Variants in FRMPD2 observed in about 807,000 individuals in gnomAD.
FRMPD2 encodes the protein FERM and PDZ domain-containing protein 2.
FRMPD2 carries 96 observed loss-of-function variants against 140.1 expected under a neutral mutation model. The ratio of observed to expected loss-of-function variants is 0.69; its 90% CI spans 0.58 to 0.81. The LOEUF is 0.81. Ranked by LOEUF, FRMPD2 falls within the 40% of genes least tolerant of loss-of-function variation. The pLI is 0.00. For synonymous variants in FRMPD2, 449 were observed against 547.6 expected (o/e 0.82, Z 2.52); for missense variants, 1,240 against 1,447.4 (o/e 0.86, Z 2.32).
At chr10:48,236,976 A>C (rs12241104) in intron 8 of FRMPD2, among the ~76,000 whole-genome samples, 7,680 of 152,252 alleles carry the variant, frequency 0.05, 654 homozygotes, top group African/African-American at 0.18. Context: ...TCAATAGCTT[A>C]GTGGGCACCT....
Position 48,236,068 on chromosome 10 carries a change from GTTT to G in FRMPD2, c.993+411_993+413del, listed in dbSNP as rs112112427. 5.7e-5 allele frequency among the ~76,000 whole-genome samples: 8 copies of G among 140,318 alleles called. No individual in the cohort carries two copies. The East Asian group carries it at 1.7e-3, about 29-fold the overall frequency. The allele number at this position is 140,318 out of a possible 152,430, so 92.1% of individuals were successfully genotyped here. A position where few individuals can be genotyped will look rare whatever the true frequency, so the allele number is the denominator to read the frequency against. On this transcript the variant is annotated intron_variant, in intron 9 of 28. Transcript: ENST00000374201. ...CGTTGTTTTTTTGTTTTTGTTTTTT[GTTT>G]TTTTTTTTTGCACAAATCACTACCT...
intron 20 of FRMPD2, among the ~76,000 whole-genome samples, chr10:48,184,066 C>T (rs576920487): frequency 2.0e-5 from 3 of 151,978 alleles, no homozygotes; most frequent in Admixed American, 6.6e-5. Context: ...CCCTGTGACA[C>T]GAGTTTGCCT....
At chr10:48,206,645 G>T in intron 14 of FRMPD2, 103 bp downstream of exon 14, 1 of 839,612 alleles carries the variant, frequency 1.2e-6, no homozygotes, top group Non-Finnish European at 1.9e-6. Flanking sequence ...AGAATGTTTG[G>T]TCAGGAGAAA....
chr10:48,223,471 AG>A (rs1460037097), intron 10 of FRMPD2, among the ~76,000 whole-genome samples: 1 of 152,176 alleles, frequency 6.6e-6, no homozygotes. Context: ...CAAAGAGGAG[AG>A]GGTCAAATAA....
intron 1 of FRMPD2, among the ~76,000 whole-genome samples, chr10:48,267,275 T>A (rs1020918345): frequency 7.2e-5 from 11 of 152,036 alleles, no homozygotes; most frequent in African/African-American, 2.4e-4. Flanking sequence ...TCGTGAGCAA[T>A]GACAAGCACA....
intron 4 of FRMPD2, among the ~76,000 whole-genome samples, chr10:48,243,840 G>A (rs1365205208): frequency 6.6e-6 from 1 of 152,186 alleles, no homozygotes; most frequent in Non-Finnish European, 1.5e-5. Context: ...ATCCAGTCTA[G>A]CCAGGTCAGC....
At chr10:48,190,784 A>G (rs897619036) in intron 16 of FRMPD2, among the ~76,000 whole-genome samples, 4 of 152,214 alleles carry the variant, frequency 2.6e-5, no homozygotes, top group African/African-American at 9.7e-5. Context: ...CTTTGTATCA[A>G]GAAGGCCAGC....
chr10:48,202,996 C>T (rs941543031), intron 14 of FRMPD2, among the ~76,000 whole-genome samples: 5 of 152,182 alleles, frequency 3.3e-5, no homozygotes, highest in Non-Finnish European at 4.4e-5. Flanking sequence ...ACAGGGGTAT[C>T]GCTCTGTTGC....
At chr10:48,262,413 A>G (rs1036148123) in intron 1 of FRMPD2, among the ~76,000 whole-genome samples, 1 of 152,234 alleles carries the variant, frequency 6.6e-6, no homozygotes, top group Admixed American at 6.5e-5. Context: ...GTATTACATA[A>G]TGATAGAGGT....
intron 12 of FRMPD2, 26 bp from the exon 13 acceptor site, chr10:48,212,135 G>A: frequency 6.2e-7 from 1 of 1,611,650 alleles, no homozygotes; most frequent in South Asian, 1.1e-5. Flanking sequence ...AGAAGGGAAG[G>A]GCACAATCCA....
At chr10:48,200,050 C>A (rs1588825275) in intron 15 of FRMPD2, among the ~76,000 whole-genome samples, 2 of 152,072 alleles carry the variant, frequency 1.3e-5, no homozygotes, top group East Asian at 3.9e-4. Context: ...AGAAACAAAC[C>A]TTTGCTGTAT....
intron 1 of FRMPD2, among the ~76,000 whole-genome samples, chr10:48,259,945 T>C (rs921055811): frequency 6.6e-6 from 1 of 152,136 alleles, no homozygotes; most frequent in African/African-American, 2.4e-5. Context: ...ATACCTACTG[T>C]ATTAGGGTTC....
At chr10:48,266,135 T>C (rs1037216809) in intron 1 of FRMPD2, among the ~76,000 whole-genome samples, 112 of 152,208 alleles carry the variant, frequency 7.4e-4, no homozygotes, top group Non-Finnish European at 1.8e-4. Flanking sequence ...AAATACTGCA[T>C]GTTCTCACTT....
chr10:48,161,692 C>T (rs1246859748), intron 28 of FRMPD2, among the ~76,000 whole-genome samples: 16 of 151,536 alleles, frequency 1.1e-4, no homozygotes, highest in Admixed American at 2.6e-4. Context: ...GCAAGTTCTG[C>T]ATCCCTGCAG....
chr10:48,250,655 G>A (rs1157563686), intron 2 of FRMPD2, among the ~76,000 whole-genome samples: 1 of 151,800 alleles, frequency 6.6e-6, no homozygotes, highest in East Asian at 1.9e-4. Flanking sequence ...TGATCCACCC[G>A]CCTCGGTCTC....
Position 48,186,748 on chromosome 10 carries a change from G to A in FRMPD2, c.2266+444C>T, listed in dbSNP as rs1031070239. ...TCAGGCTTAATGCTCACTGAGTAGAGATATTTTTCCAAGTGTCGGATCTCT... is the reference window on the plus strand; with the variant it reads ...TCAGGCTTAATGCTCACTGAGTAGAAATATTTTTCCAAGTGTCGGATCTCT... On this transcript the variant is annotated intron_variant, in intron 17 of 28. Transcript: ENST00000374201. Among the ~76,000 whole-genome samples, 3 of 152,360 alleles carry A rather than the reference G, an allele frequency of 2.0e-5. 1 individual carries two copies. Among genetic ancestry groups the A allele is most frequent in the Non-Finnish European group, 2.9e-5 (2 of 68,034 alleles).
Position 48,222,329 on chromosome 10 carries a change from C to A in FRMPD2, c.1439G>T (p.Gly480Val), listed in dbSNP as rs1027494238. ...LGVLALQAEF[G>V]NYPKEQVESK... is the part of the protein sequence containing the mutation. The stretch of plus-strand genomic sequence containing the variant: ...CACCCCTACCTCCTTAGGGTAATTG[C>A]CAAACTCAGCCTGCAAGGCAAGGAC... Residue 480 changes from glycine (G) to valine (V), a missense_variant, in exon 12 of 29, where the codon GGC (glycine) becomes GTC (valine). Transcript: ENST00000374201. The A allele has an allele frequency of 2.5e-6, 4 of 1,614,062 alleles. No homozygotes were observed. In the East Asian group the frequency reaches 8.9e-5, roughly 36 times the overall value.
rs770082583 is a variant in FRMPD2, at chr10:48,251,613, G to C, written c.104C>G (p.Ser35Cys). 3 of 1,614,190 alleles carry C rather than the reference G, an allele frequency of 1.9e-6. No homozygotes were observed. The South Asian group carries it at 3.3e-5, about 18-fold the overall frequency. Residue 35 changes from serine (S) to cysteine (C), a missense_variant, in exon 2 of 29, where the codon TCC becomes TGC. Physicochemically the swap from Ser to Cys is moderately radical, Grantham distance 112. Coordinates refer to ENST00000374201, the MANE Select transcript of FRMPD2 (RefSeq NM_001018071.4). Reference protein sequence around the residue: ...GEALSEEEIWSLLFLAAEQLL... With the variant: ...GEALSEEEIWCLLFLAAEQLL... ...CTGCTCAGCGGCCAGGAACAGGAGG[G>C]ACCAGATTTCCTCCTCAGACAGAGC...
intron 11 of FRMPD2, among the ~76,000 whole-genome samples, 173 bp downstream of exon 11, chr10:48,222,950 C>A (rs1323675585): frequency 6.6e-6 from 1 of 152,186 alleles, no homozygotes; most frequent in Non-Finnish European, 1.5e-5. Context: ...ACTGATTTTC[C>A]TCCTTTGTTC....
Sources: allele counts gnomAD v4.1 joint callset (sites outside exome capture counted in the v4.1 genomes callset), GRCh38; gene constraint gnomAD v4.1.1; transcripts MANE v1.5; gene names NCBI Gene and HGNC (gene_info 2026-07-23, HGNC 2026-07-21).